ZHX2: variants seen among roughly 807,000 people sequenced by gnomAD.
ZHX2 encodes the protein zinc fingers and homeoboxes protein 2.
A neutral mutation model predicts 21.9 loss-of-function variants in ZHX2; 6 were observed. That is an observed-to-expected ratio of 0.27 (90% CI 0.15 to 0.54). The LOEUF (loss-of-function observed/expected upper bound fraction) is 0.54. Among genes scored for constraint, ZHX2 ranks in the 20% least tolerant of loss-of-function variants. The pLI is 0.95. For missense variants in ZHX2, 908 were observed against 1,090.7 expected, an observed-to-expected ratio of 0.83 and a Z score of 2.36; for synonymous variants, 434 against 437.1, an observed-to-expected ratio of 0.99 and a Z score of 0.09.
At chr8:122,843,188 A>C (rs1818678203) in intron 1 of ZHX2, among the ~76,000 whole-genome samples, 1 of 152,268 alleles carries the variant, frequency 6.6e-6, no homozygotes, top group African/African-American at 2.4e-5. Flanking sequence ...GATCTGTTAC[A>C]TGCCAGACTC....
chr8:122,959,810 C>A (rs190164100), intron 3 of ZHX2, among the ~76,000 whole-genome samples: 135 of 152,252 alleles, frequency 8.9e-4, no homozygotes, highest in Non-Finnish European at 1.6e-3. Context: ...TCATGCCTAA[C>A]AGGGAGTTAA....
intron 1 of ZHX2, among the ~76,000 whole-genome samples, chr8:122,783,193 T>C (rs577293872): frequency 2.0e-5 from 3 of 152,138 alleles, no homozygotes; most frequent in Non-Finnish European, 4.4e-5. Flanking sequence ...TTCAACTGTT[T>C]CGCGGTGGCC....
chr8:122,937,931 T>TG (rs749269972), intron 2 of ZHX2, among the ~76,000 whole-genome samples: 11 of 111,670 alleles, frequency 9.9e-5, no homozygotes, highest in African/African-American at 3.3e-4. Context: ...GTTTTCTTTT[T>TG]GGTTTTTTTT....
At chr8:122,964,883 T>G (rs1167844029) in intron 3 of ZHX2, among the ~76,000 whole-genome samples, 1 of 152,052 alleles carries the variant, frequency 6.6e-6, no homozygotes, top group Admixed American at 6.5e-5. Flanking sequence ...GGTTGTATAT[T>G]TCCAGGATTA....
At position 122,782,616 on chromosome 8, in the gene ZHX2, C is replaced by A. The variant is rs1484933950; in HGVS notation, c.-283+670C>A. On this transcript the variant is annotated intron_variant, in intron 1 of 3. Transcript: ENST00000314393. The surrounding 1 kb of genome is among the most constrained non-coding windows in gnomAD (Gnocchi z 5.3). ...CTGCCTCTGCTCTCGTCGCTCCCGG[C>A]GGCTGCAGGCAGCGGGCGCGCAGCG... Among the ~76,000 whole-genome samples, 1 of 152,162 alleles carries A rather than the reference C, an allele frequency of 6.6e-6. No individual in the cohort carries two copies. The highest frequency in any genetic ancestry group is 1.5e-5 in the Non-Finnish European group (1 of 67,996).
At chr8:122,963,104 G>A (rs946175086) in intron 3 of ZHX2, among the ~76,000 whole-genome samples, 6 of 152,010 alleles carry the variant, frequency 3.9e-5, no homozygotes, top group Admixed American at 1.3e-4. Context: ...TTCTTTTTCT[G>A]TGCAGAAGCT....
intron 3 of ZHX2, among the ~76,000 whole-genome samples, chr8:122,955,289 C>G (rs1351412941): frequency 6.6e-6 from 1 of 152,072 alleles, no homozygotes; most frequent in Non-Finnish European, 1.5e-5. Flanking sequence ...GGAAGATGCA[C>G]GATTTGCCCA....
chr8:122,916,749 C>T (rs941699762), intron 2 of ZHX2, among the ~76,000 whole-genome samples: 7 of 152,136 alleles, frequency 4.6e-5, no homozygotes, highest in Non-Finnish European at 7.3e-5. Flanking sequence ...TCCATCCTAT[C>T]GTTTAACCTT....
At chr8:122,922,160 A>C in intron 2 of ZHX2, among the ~76,000 whole-genome samples, 1 of 150,152 alleles carries the variant, frequency 6.7e-6, no homozygotes, top group African/African-American at 2.5e-5. Flanking sequence ...CCCCACCCCC[A>C]CCAACACCTT....
intron 2 of ZHX2, among the ~76,000 whole-genome samples, chr8:122,873,324 T>C (rs1257358825): frequency 6.6e-6 from 1 of 152,176 alleles, no homozygotes; most frequent in Non-Finnish European, 1.5e-5. Flanking sequence ...AGAAGTGATA[T>C]TCCACATGCG....
intron 2 of ZHX2, among the ~76,000 whole-genome samples, chr8:122,933,082 C>T (rs909538474): frequency 2.0e-5 from 3 of 151,988 alleles, no homozygotes; most frequent in South Asian, 2.1e-4. Context: ...GGCCTGGAGG[C>T]GGGGATGGAG....
chr8:122,829,310 C>T (rs2130666829), intron 1 of ZHX2, among the ~76,000 whole-genome samples: 1 of 152,336 alleles, frequency 6.6e-6, no homozygotes, highest in Middle Eastern at 3.4e-3. Flanking sequence ...TTCAAATCTG[C>T]AAATCCAAAA....
intron 2 of ZHX2, among the ~76,000 whole-genome samples, chr8:122,885,477 G>A (rs1241855046): frequency 1.3e-5 from 2 of 152,142 alleles, no homozygotes; most frequent in Admixed American, 1.3e-4. Context: ...TAGAGCGTAG[G>A]AGTTTTCTTG....
intron 1 of ZHX2, among the ~76,000 whole-genome samples, chr8:122,858,555 G>A (rs2130764170): frequency 6.6e-6 from 1 of 152,032 alleles, no homozygotes; most frequent in East Asian, 1.9e-4. Context: ...AGCCAGTAAG[G>A]TTGGAAATGT....
At chr8:122,814,027 A>T (rs963012506) in intron 1 of ZHX2, among the ~76,000 whole-genome samples, 1 of 152,206 alleles carries the variant, frequency 6.6e-6, no homozygotes. Context: ...TTGCTTAGTC[A>T]TACTACTGAT....
chr8:122,793,542 T>C (rs1817562222), intron 1 of ZHX2, among the ~76,000 whole-genome samples: 1 of 152,202 alleles, frequency 6.6e-6, no homozygotes, highest in Admixed American at 6.5e-5. Flanking sequence ...GTGAGCCAAG[T>C]AGGGGCCCTA....
At chr8:122,783,710 T>C (rs990507717) in intron 1 of ZHX2, among the ~76,000 whole-genome samples, 1 of 152,182 alleles carries the variant, frequency 6.6e-6, no homozygotes, top group Non-Finnish European at 1.5e-5. Flanking sequence ...TAAAATGGCA[T>C]GTTTAATAGT....
At chr8:122,940,033 C>T (rs193174911) in intron 2 of ZHX2, among the ~76,000 whole-genome samples, 5 of 152,336 alleles carry the variant, frequency 3.3e-5, no homozygotes, top group Non-Finnish European at 7.3e-5. Context: ...CCCTATTTTA[C>T]AGCTGCAGGA....
At chr8:122,855,678 G>A (rs555770506) in intron 1 of ZHX2, among the ~76,000 whole-genome samples, 88 of 152,190 alleles carry the variant, frequency 5.8e-4, no homozygotes, top group African/African-American at 2.1e-3. Context: ...GAAGTTTAGC[G>A]AGAATCATTT....
Sources: allele counts gnomAD v4.1 joint callset (sites outside exome capture counted in the v4.1 genomes callset), GRCh38; gene constraint gnomAD v4.1.1; non-coding constraint Gnocchi (gnomAD v3.1); transcripts MANE v1.5; gene names NCBI Gene and HGNC (gene_info 2026-07-23, HGNC 2026-07-21).